Variants in PLCH2 observed in about 807,000 individuals in gnomAD.
PLCH2 encodes 1-phosphatidylinositol 4,5-bisphosphate phosphodiesterase eta-2.
In PLCH2, 98 loss-of-function variants were observed where a neutral mutation model predicts 134.7. The observed-to-expected ratio is 0.73, with a 90% CI of 0.62 to 0.86. PLCH2 has a LOEUF of 0.86. PLCH2 is among the 40% of genes least tolerant of loss of function. The probability of loss-of-function intolerance (pLI) is 0.00; values close to 1 mark genes in which losing one functional copy is unlikely to be tolerated. For missense variants in PLCH2, 1,994 were observed against 1,986.6 expected (o/e 1.00, Z -0.07); for synonymous variants, 974 against 827.5 (o/e 1.18, Z -3.04).
intron 2 of PLCH2, among the ~76,000 whole-genome samples, chr1:2,440,295 T>TG (rs1194909285): frequency 6.6e-6 from 1 of 151,550 alleles, no homozygotes; most frequent in African/African-American, 2.4e-5. Context: ...GGATCTCGGG[T>TG]GGGGGGCAGG....
intron 18 of PLCH2, 27 bp from the exon 19 acceptor site, chr1:2,499,057 A>G: frequency 6.3e-7 from 1 of 1,597,202 alleles, no homozygotes. Context: ...TCCCCATGGG[A>G]CACTCCTCCT....
rs183054768 is a variant in PLCH2, at chr1:2,481,812, C to T, written c.645+1500C>T. 2.8e-3 allele frequency among the ~76,000 whole-genome samples: 421 copies of T among 152,360 alleles called. 3 individuals carry two copies. The highest frequency in any genetic ancestry group is 9.4e-3 in the African/African-American group (392 of 41,584). On this transcript the variant is annotated intron_variant, in intron 4 of 21. Transcript: ENST00000378486. ...GTTTCAGAGCGCTGGGCCTCCCCGC[C>T]CATCTGTACTGCATCCTCTCTGGGC... is the stretch of plus-strand genomic sequence containing the variant.
the PLCH2 span, among the ~76,000 whole-genome samples, chr1:2,419,801 A>T: frequency 6.6e-6 from 1 of 151,850 alleles, no homozygotes; most frequent in Non-Finnish European, 1.5e-5. Flanking sequence ...CACCATATTC[A>T]TCCTTGGGGG....
intron 2 of PLCH2, among the ~76,000 whole-genome samples, chr1:2,443,477 G>A (rs549500909): frequency 1.3e-5 from 2 of 152,226 alleles, no homozygotes; most frequent in Admixed American, 6.5e-5. Context: ...CGGTCCCGCC[G>A]GCTGGGGCCA....
rs770363732 is a variant in PLCH2, at chr1:2,457,468, C to T, written c.116-21008C>T. 5.3e-5 allele frequency among the ~76,000 whole-genome samples: 8 copies of T among 152,186 alleles called. No individual in the cohort carries two copies. The East Asian group carries it at 5.8e-4, about 11-fold the overall frequency. ...CAGCTTCTCGCCAGGGTTCCCCAGC[C>T]GCCTGCTCCCCAATGTCTCCTGGCC... On this transcript the variant is annotated intron_variant, in intron 2 of 3. Transcript: ENST00000609981.
rs978918984 is a variant in PLCH2, at chr1:2,498,718, A to T, written c.2350-26A>T. 1.3e-6 allele frequency: 2 copies of T among 1,591,028 alleles called. No homozygotes were observed. The highest frequency in any genetic ancestry group is 3.5e-5 in the Admixed American group (2 of 57,828). On this transcript the variant is annotated intron_variant, in intron 17 of 21. Coordinates refer to ENST00000378486, the MANE Select transcript of PLCH2 (RefSeq NM_014638.4). This position sits in a 1 kb window ranked among gnomAD's most constrained non-coding sequence, Gnocchi z 5.4. The stretch of plus-strand genomic sequence containing the variant: ...GGGCCGGGCATCGCGATGGGCCCTG[A>T]TGCCACCCCCACTCCTGTGTCCCAG...
chr1:2,458,625 C>T (rs1291677933), intron 2 of PLCH2, among the ~76,000 whole-genome samples: 1 of 152,184 alleles, frequency 6.6e-6, no homozygotes, highest in African/African-American at 2.4e-5. Context: ...CCATCTGTGC[C>T]CCTGGAGCAG....
chr1:2,495,831 C>T (rs1046384864), intron 13 of PLCH2, among the ~76,000 whole-genome samples: 1 of 152,036 alleles, frequency 6.6e-6, no homozygotes, highest in East Asian at 1.9e-4. Context: ...GGGCTGTCGG[C>T]TCTCGGTCCT....
intron 4 of PLCH2, among the ~76,000 whole-genome samples, chr1:2,481,593 G>C (rs923002946): frequency 6.6e-6 from 1 of 152,248 alleles, no homozygotes; most frequent in African/African-American, 2.4e-5. Flanking sequence ...GGTTTCTGGG[G>C]CCTGAAGGTC....
chr1:2,479,681 G>C, intron 2 of PLCH2, 53 bp from the exon 3 acceptor site: 1 of 1,499,486 alleles, frequency 6.7e-7, no homozygotes, highest in South Asian at 1.3e-5. Context: ...GCTGCCAGCA[G>C]GGGGACGCTG....
At chr1:2,436,722 C>G (rs1639442479) in intron 2 of PLCH2, among the ~76,000 whole-genome samples, 1 of 152,188 alleles carries the variant, frequency 6.6e-6, no homozygotes. Context: ...GCCTGAGGGT[C>G]AGGCTAGTCC....
chr1:2,454,931 C>A (rs1640416177), intron 2 of PLCH2, among the ~76,000 whole-genome samples: 1 of 152,164 alleles, frequency 6.6e-6, no homozygotes, highest in Non-Finnish European at 1.5e-5. Context: ...GTGCGTCACC[C>A]CCAGAAACCT....
At chr1:2,473,779 G>A (rs1641463424), upstream of PLCH2, among the ~76,000 whole-genome samples, 1 of 152,230 alleles carries the variant, frequency 6.6e-6, no homozygotes, top group Non-Finnish European at 1.5e-5. Context: ...AGGGACCTGG[G>A]GGAGCAGCAG....
At chr1:2,454,208 C>T (rs1640376342) in intron 2 of PLCH2, among the ~76,000 whole-genome samples, 1 of 152,222 alleles carries the variant, frequency 6.6e-6, no homozygotes, top group Admixed American at 6.5e-5. Context: ...TGCCTGTTCC[C>T]TTCCTGCCCT....
At position 2,495,573 on chromosome 1, in the gene PLCH2, A is replaced by T; in HGVS notation, c.1835+3A>T. The T allele has an allele frequency of 6.5e-7, 1 of 1,544,004 alleles. No individual in the cohort carries two copies. The highest frequency in any genetic ancestry group is 1.2e-5 in the South Asian group (1 of 83,434). On this transcript the variant is annotated splice_donor_region_variant and intron_variant, in intron 13 of 21. Transcript: ENST00000378486. The stretch of plus-strand genomic sequence containing the variant: ...TCCCCGGGAGGCCAGAGCCGAGGGT[A>T]GGTGCCCTGCCCCACGGGGAGGCCC...
At chr1:2,503,126 G>C in intron 21 of PLCH2, 1 of 673,414 alleles carries the variant, frequency 1.5e-6, no homozygotes, top group East Asian at 2.7e-5. Context: ...CTGGGACTTG[G>C]GTGGAGCTGG....
At chr1:2,471,320 G>A (rs1641315358), upstream of PLCH2, among the ~76,000 whole-genome samples, 1 of 152,042 alleles carries the variant, frequency 6.6e-6, no homozygotes, top group Non-Finnish European at 1.5e-5. Context: ...GGAGAGTGTG[G>A]AGGCCTGGGC....
In PLCH2 at chr1:2,483,832, G is replaced by C. The variant is rs371243710; in HGVS notation, c.646-616G>C. On this transcript the variant is annotated intron_variant, in intron 4 of 21. Transcript: ENST00000378486. ...GTGGGGGTGGCGCTGACCCCCGTGT[G>C]GGGGTGGCGCTGACCCCCGTGTGGG... is the stretch of plus-strand genomic sequence containing the variant. Among the ~76,000 whole-genome samples, 301 of 25,684 alleles carry C rather than the reference G, an allele frequency of 0.012. 63 individuals carry two copies. The East Asian group carries it at 0.36, about 31-fold the overall frequency. The allele number at this position is 25,684 out of a possible 152,430, so 16.8% of individuals were successfully genotyped here.
In PLCH2 at chr1:2,499,182, C is replaced by G; in HGVS notation, c.2533C>G (p.Arg845Gly). 6.2e-7 allele frequency: 1 copy of G among 1,613,200 alleles called. No homozygotes were observed. The highest frequency in any genetic ancestry group is 8.5e-7 in the Non-Finnish European group (1 of 1,179,776). ...CGTCTGGGACCACGATCCCATCGGG[C>G]GTGACTTCATTGGCCAGAGGACGCT... Reference protein sequence around the residue: ...FLVWDHDPIGRDFIGQRTLAF... With the variant: ...FLVWDHDPIGGDFIGQRTLAF... Residue 845 changes from arginine to glycine, a missense_variant, in exon 19 of 22, where the codon CGT (arginine) becomes GGT (glycine). Around this residue, in one of 2 missense-constraint regions of PLCH2, gnomAD observed 1,094 missense variants for 1,234.3 expected, o/e 0.89. Transcript: ENST00000378486.
Sources: allele counts gnomAD v4.1 joint callset (sites outside exome capture counted in the v4.1 genomes callset), GRCh38; gene constraint gnomAD v4.1.1; regional missense constraint gnomAD v4.1.1; non-coding constraint Gnocchi (gnomAD v3.1); transcripts MANE v1.5; gene names NCBI Gene and HGNC (gene_info 2026-07-23, HGNC 2026-07-21).